Variants in CDH13 observed in about 807,000 individuals in gnomAD.
CDH13 encodes the protein cadherin-13.
A neutral mutation model predicts 63.8 loss-of-function variants in CDH13; 24 were observed. The ratio of observed to expected loss-of-function variants is 0.38; its 90% confidence interval spans 0.27 to 0.53. The LOEUF is 0.53. Among genes scored for constraint, CDH13 ranks in the 20% least tolerant of loss-of-function variants. The probability of loss-of-function intolerance (pLI) is 0.85; values close to 1 mark genes in which losing one functional copy is unlikely to be tolerated. For synonymous variants in CDH13, 503 were observed against 355.3 expected (o/e 1.42, Z -4.67); for missense variants, 1,049 against 903.1 (o/e 1.16, Z -2.07).
At chr16:82,650,742 C>A (rs762338749) in intron 1 of CDH13, among the ~76,000 whole-genome samples, 2 of 152,204 alleles carry the variant, frequency 1.3e-5, no homozygotes, top group African/African-American at 2.4e-5. Flanking sequence ...GCCAAAGAAG[C>A]ATTCTCTCTG....
At chr16:83,635,542 C>A (rs1249779413) in intron 8 of CDH13, among the ~76,000 whole-genome samples, 1 of 151,798 alleles carries the variant, frequency 6.6e-6, no homozygotes, top group African/African-American at 2.4e-5. Flanking sequence ...TGCGGTTTCA[C>A]CATGCTGGCC....
At chr16:82,735,029 G>C (rs1050516048) in intron 1 of CDH13, among the ~76,000 whole-genome samples, 1 of 152,180 alleles carries the variant, frequency 6.6e-6, no homozygotes, top group Non-Finnish European at 1.5e-5. Flanking sequence ...AGAGATGAAG[G>C]TGGCTTGAAC....
chr16:83,278,492 A>G (rs1039901750), intron 5 of CDH13, among the ~76,000 whole-genome samples: 2 of 152,216 alleles, frequency 1.3e-5, no homozygotes, highest in African/African-American at 4.8e-5. Context: ...CCATGGTGTG[A>G]AGAATCCCGT....
At chr16:83,765,404 TA>T (rs1478827866) in intron 11 of CDH13, among the ~76,000 whole-genome samples, 1 of 152,230 alleles carries the variant, frequency 6.6e-6, no homozygotes, top group Non-Finnish European at 1.5e-5. Flanking sequence ...TCTTCTAAAA[TA>T]ATTTTTCAGC....
intron 3 of CDH13, among the ~76,000 whole-genome samples, chr16:83,117,147 ACTC>A (rs1354758895): frequency 6.6e-6 from 1 of 152,016 alleles, no homozygotes; most frequent in Non-Finnish European, 1.5e-5. Flanking sequence ...TTGCAACTGG[ACTC>A]CTCAGCTCAA....
At chr16:83,484,356 G>T (rs2073839652) in intron 6 of CDH13, among the ~76,000 whole-genome samples, 1 of 152,164 alleles carries the variant, frequency 6.6e-6, no homozygotes, top group Non-Finnish European at 1.5e-5. Flanking sequence ...GATCTCTTCC[G>T]GTTAGGTCAC....
chr16:82,880,191 C>A (rs1295307207), intron 2 of CDH13, among the ~76,000 whole-genome samples: 1 of 151,918 alleles, frequency 6.6e-6, no homozygotes, highest in Non-Finnish European at 1.5e-5. Flanking sequence ...ATATATTTTC[C>A]ACTTTGCAAT....
At chr16:83,380,597 C>T (rs560797920) in intron 6 of CDH13, among the ~76,000 whole-genome samples, 36 of 152,300 alleles carry the variant, frequency 2.4e-4, no homozygotes, top group African/African-American at 7.9e-4. Flanking sequence ...CTGGAGACGT[C>T]ATTTGGGACA....
At chr16:83,318,659 C>T (rs1291115579) in intron 5 of CDH13, among the ~76,000 whole-genome samples, 1 of 152,154 alleles carries the variant, frequency 6.6e-6, no homozygotes, top group East Asian at 1.9e-4. Context: ...CACAGTGCAC[C>T]TTCCTCCTGT....
At chr16:83,387,674 G>A (rs542335147) in intron 6 of CDH13, among the ~76,000 whole-genome samples, 1 of 152,324 alleles carries the variant, frequency 6.6e-6, no homozygotes, top group East Asian at 1.9e-4. Flanking sequence ...GTTTAGCTCA[G>A]GGCAAGTCTT....
chr16:83,651,770 AT>A (rs35565710), intron 8 of CDH13, among the ~76,000 whole-genome samples: 49,136 of 151,212 alleles, frequency 0.32, 8,325 homozygotes, highest in Middle Eastern at 0.43. Context: ...TAATTTTTGT[AT>A]TTTTAGTAGA....
chr16:82,923,571 T>C (rs1323003465), intron 2 of CDH13, among the ~76,000 whole-genome samples: 1 of 152,180 alleles, frequency 6.6e-6, no homozygotes, highest in African/African-American at 2.4e-5. Flanking sequence ...AGACAAACCA[T>C]AGTTTCATTT....
chr16:83,222,522 A>G (rs1170192922), intron 5 of CDH13, among the ~76,000 whole-genome samples: 3 of 152,202 alleles, frequency 2.0e-5, no homozygotes, highest in East Asian at 1.9e-4. Flanking sequence ...ACCTGGTTAT[A>G]AAAACGTTCA....
chr16:83,733,994 T>G (rs1911293443), intron 10 of CDH13, among the ~76,000 whole-genome samples: 1 of 152,126 alleles, frequency 6.6e-6, no homozygotes, highest in Non-Finnish European at 1.5e-5. Context: ...TATTCTGCTT[T>G]TTGCTCTTGT....
chr16:83,126,509 T>A (rs1458662491), intron 4 of CDH13, among the ~76,000 whole-genome samples: 5 of 151,990 alleles, frequency 3.3e-5, no homozygotes, highest in Non-Finnish European at 5.9e-5. Context: ...GGAGGGGCAG[T>A]TTACAGAATG....
chr16:82,951,972 C>T (rs1005292970), intron 2 of CDH13, among the ~76,000 whole-genome samples: 6 of 152,222 alleles, frequency 3.9e-5, no homozygotes, highest in African/African-American at 1.4e-4. Context: ...TCCCTCCCAA[C>T]AGGGTCGTCA....
At chr16:82,753,582 A>G (rs1026304007) in intron 1 of CDH13, among the ~76,000 whole-genome samples, 1 of 151,520 alleles carries the variant, frequency 6.6e-6, no homozygotes, top group African/African-American at 2.4e-5. Flanking sequence ...ATTCTCCATC[A>G]AAAAAAAATT....
At chr16:83,706,069 C>G (rs1456634397) in intron 10 of CDH13, among the ~76,000 whole-genome samples, 1 of 152,188 alleles carries the variant, frequency 6.6e-6, no homozygotes, top group African/African-American at 2.4e-5. Context: ...CAGCCTATCT[C>G]TGTGCCTCAA....
intron 10 of CDH13, among the ~76,000 whole-genome samples, chr16:83,690,540 G>C (rs562164483): frequency 1.3e-5 from 2 of 152,216 alleles, no homozygotes; most frequent in Admixed American, 1.3e-4. Flanking sequence ...CGGAGAAGAT[G>C]GGGAAAGTGT....
Sources: gnomAD v4.1 joint callset for allele counts (sites outside exome capture counted in the v4.1 genomes callset) on GRCh38, gnomAD v4.1.1 for gene constraint, MANE v1.5 for transcripts, NCBI Gene and HGNC (gene_info 2026-07-23, HGNC 2026-07-21) for gene names.